Variants in ATE1 observed in about 807,000 individuals in gnomAD.
ATE1 encodes the protein arginyl-tRNA--protein transferase 1.
In ATE1, 36 loss-of-function variants were observed where a neutral mutation model predicts 70.5. The observed-to-expected ratio is 0.51, with a 90% CI of 0.39 to 0.67. The LOEUF (loss-of-function observed/expected upper bound fraction) is 0.67, where lower values mean the gene tolerates loss of function less well. Among genes scored for constraint, ATE1 ranks in the 30% least tolerant of loss-of-function variants. ATE1 has a pLI of 0.00. For missense variants in ATE1, 593 were observed against 629.5 expected, an observed-to-expected ratio of 0.94 and a Z score of 0.62; for synonymous variants, 232 against 219.3, an observed-to-expected ratio of 1.06 and a Z score of -0.51.
intron 11 of ATE1, among the ~76,000 whole-genome samples, chr10:121,745,804 T>C (rs1944346301): frequency 6.6e-6 from 1 of 152,184 alleles, no homozygotes; most frequent in Admixed American, 6.5e-5. Context: ...AGGCTGTTTA[T>C]GGCAACACTC....
At chr10:121,921,141 T>C (rs1249671169) in intron 3 of ATE1, among the ~76,000 whole-genome samples, 1 of 151,996 alleles carries the variant, frequency 6.6e-6, no homozygotes, top group Non-Finnish European at 1.5e-5. Flanking sequence ...TATTGCATGA[T>C]GCTGAGGTTT....
rs4237536 is a variant in ATE1 at position 121,836,739 on chromosome 10, T to C, written c.1236A>G (p.Ser412=). 0.91 allele frequency: 1,438,026 copies of C among 1,575,284 alleles called. 657,356 individuals carry two copies. Among genetic ancestry groups the C allele is most frequent in the Middle Eastern group, 0.94 (5,342 of 5,676 alleles). The change falls in exon 10 of 12, where the codon TCA becomes TCG. Residue 412 remains serine (S), a synonymous_variant. Transcript: ENST00000224652. The part of the protein sequence containing the change: ...SYYYMGFYIH[S]CPKMKYKGQY... ...TTACCTTATATTTCATCTTGGGACA[T>C]GAATGAATGTAGAAACCCATATAAT...
At chr10:121,868,230 T>C (rs963381501) in intron 8 of ATE1, among the ~76,000 whole-genome samples, 7 of 152,224 alleles carry the variant, frequency 4.6e-5, no homozygotes, top group Admixed American at 1.3e-4. Context: ...ACCATTTGTA[T>C]TTTATCTTAT....
intron 10 of ATE1, among the ~76,000 whole-genome samples, chr10:121,812,724 A>G (rs912993076): frequency 3.3e-5 from 5 of 152,182 alleles, no homozygotes; most frequent in African/African-American, 1.2e-4. Context: ...CCTTCACTAT[A>G]ATTTCATTTG....
At chr10:121,908,048 G>T (rs991405522) in intron 5 of ATE1, among the ~76,000 whole-genome samples, 2 of 152,116 alleles carry the variant, frequency 1.3e-5, no homozygotes. Flanking sequence ...GGATTATGTC[G>T]AAAGGCCTCA....
intron 10 of ATE1, among the ~76,000 whole-genome samples, chr10:121,804,425 T>A (rs554278241): frequency 2.0e-5 from 3 of 152,220 alleles, no homozygotes; most frequent in Admixed American, 6.5e-5. Context: ...CGAAATAGCA[T>A]AATTATCAGT....
intron 10 of ATE1, among the ~76,000 whole-genome samples, chr10:121,807,962 C>T (rs906516797): frequency 1.3e-5 from 2 of 152,052 alleles, no homozygotes; most frequent in Admixed American, 6.6e-5. Context: ...TACTATCTGG[C>T]CCCCTACAGA....
At chr10:121,889,801 A>G (rs1950521605) in intron 7 of ATE1, among the ~76,000 whole-genome samples, 1 of 152,152 alleles carries the variant, frequency 6.6e-6, no homozygotes, top group South Asian at 2.1e-4. Flanking sequence ...TGACCGACCA[A>G]GACCTTGTCT....
intron 11 of ATE1, among the ~76,000 whole-genome samples, chr10:121,783,409 G>GTAT (rs1946076565): frequency 6.6e-6 from 1 of 152,076 alleles, no homozygotes; most frequent in Non-Finnish European, 1.5e-5. Flanking sequence ...GCTTTGCTAG[G>GTAT]TATTATAGTG....
chr10:121,773,752 A>T (rs934679270), intron 11 of ATE1, among the ~76,000 whole-genome samples: 2 of 152,180 alleles, frequency 1.3e-5, no homozygotes, highest in Non-Finnish European at 2.9e-5. Flanking sequence ...ATATTTTTTT[A>T]AAATACCAAT....
chr10:121,760,148 C>A (rs1811681604), intron 11 of ATE1, among the ~76,000 whole-genome samples: 1 of 152,160 alleles, frequency 6.6e-6, no homozygotes, highest in African/African-American at 2.4e-5. Context: ...CCTGGTTACC[C>A]AAGAGTTCCG....
intron 8 of ATE1, among the ~76,000 whole-genome samples, chr10:121,844,577 G>T (rs1195394609): frequency 6.6e-6 from 1 of 152,016 alleles, no homozygotes; most frequent in African/African-American, 2.4e-5. Flanking sequence ...ACATTCCTAG[G>T]GATTCATCCA....
At chr10:121,797,509 CT>C (rs1946704758) in intron 10 of ATE1, among the ~76,000 whole-genome samples, 1 of 152,070 alleles carries the variant, frequency 6.6e-6, no homozygotes, top group African/African-American at 2.4e-5. Flanking sequence ...CCCCTAGCCC[CT>C]AGCAACCATT....
At chr10:121,917,894 C>G (rs1951723715) in intron 3 of ATE1, among the ~76,000 whole-genome samples, 1 of 152,294 alleles carries the variant, frequency 6.6e-6, no homozygotes. Flanking sequence ...CTCATTTATA[C>G]ACACATACTG....
intron 10 of ATE1, among the ~76,000 whole-genome samples, chr10:121,808,488 C>A (rs1358733576): frequency 2.0e-5 from 3 of 152,204 alleles, no homozygotes; most frequent in Non-Finnish European, 4.4e-5. Context: ...CGTGATTTAA[C>A]TCTTCAGTGG....
chr10:121,923,386 G>C (rs558491031), intron 2 of ATE1, among the ~76,000 whole-genome samples: 1 of 152,284 alleles, frequency 6.6e-6, no homozygotes, highest in East Asian at 1.9e-4. Flanking sequence ...GATCACTTGA[G>C]TGTGGGAATT....
Position 121,871,729 on chromosome 10 carries a change from C to CA in ATE1, c.943-1692dup, listed in dbSNP as rs1203543650. Among the ~76,000 whole-genome samples the CA allele has an allele frequency of 4.2e-4, 61 of 145,334 alleles. 1 individual carries two copies. The highest frequency in any genetic ancestry group is 3.1e-3 in the South Asian group (14 of 4,572). On this transcript the variant is annotated intron_variant, in intron 7 of 11. Transcript: ENST00000224652. ...AAAATGTAAACACTTCAGTAGGAAG[C>CA]AAAAAAAAAGGAAAGAAAAGAAAAA... is the stretch of plus-strand genomic sequence containing the variant.
chr10:121,928,284 C>A, upstream of ATE1: 3 of 1,480,678 alleles, frequency 2.0e-6, no homozygotes, highest in Non-Finnish European at 2.7e-6. Flanking sequence ...CCTGCCCTTT[C>A]CCCCGCCGAG....
chr10:121,886,002 T>C (rs1950384271), intron 7 of ATE1, among the ~76,000 whole-genome samples: 1 of 152,080 alleles, frequency 6.6e-6, no homozygotes, highest in South Asian at 2.1e-4. Context: ...ATTTATAAAA[T>C]ACAGGTTAAG....
Sources: allele counts gnomAD v4.1 joint callset (sites outside exome capture counted in the v4.1 genomes callset), GRCh38; gene constraint gnomAD v4.1.1; transcripts MANE v1.5; gene names NCBI Gene and HGNC (gene_info 2026-07-23, HGNC 2026-07-21).